The following FSTL5 variants were observed in gnomAD, a reference collection of about 807,000 sequenced individuals.
The protein encoded by FSTL5 is follistatin like 5, also known as follistatin-related protein 5.
A neutral mutation model predicts 89.1 loss-of-function variants in FSTL5; 62 were observed. The ratio of observed to expected loss-of-function variants is 0.70; its 90% CI spans 0.57 to 0.86. FSTL5 has a LOEUF of 0.86. FSTL5 is among the 40% of genes least tolerant of loss of function. The pLI is 0.00. For missense variants in FSTL5, 1,057 were observed against 1,001.6 expected, an observed-to-expected ratio of 1.06 and a Z score of -0.75; for synonymous variants, 383 against 346.2, an observed-to-expected ratio of 1.11 and a Z score of -1.18.
rs115747967 is a variant in FSTL5 at position 162,058,145 on chromosome 4, A to T, written c.127-24487T>A. Reference sequence around the variant, plus strand: ...ATACATGTACATGGTTATAAGGGTGAGTGTGGGTAATGAAATGCTTGAAGA... The same window carrying T: ...ATACATGTACATGGTTATAAGGGTGTGTGTGGGTAATGAAATGCTTGAAGA... On this transcript the variant is annotated intron_variant, in intron 2 of 15. Transcript: ENST00000306100. Among the ~76,000 whole-genome samples the T allele has an allele frequency of 6.4e-3, 971 of 152,178 alleles. 8 individuals are homozygous for T. Among genetic ancestry groups the T allele is most frequent in the African/African-American group, 0.022 (900 of 41,522 alleles).
At chr4:161,674,702 C>A (rs186149815) in intron 6 of FSTL5, among the ~76,000 whole-genome samples, 10 of 152,192 alleles carry the variant, frequency 6.6e-5, no homozygotes, top group Admixed American at 6.6e-4. Flanking sequence ...TACGTAGTGA[C>A]CATGCTAGGA....
At chr4:161,461,841 A>G (rs1733595157) in intron 13 of FSTL5, among the ~76,000 whole-genome samples, 1 of 152,168 alleles carries the variant, frequency 6.6e-6, no homozygotes, top group South Asian at 2.1e-4. Flanking sequence ...TGAATGTAAT[A>G]GCCTATTTTG....
chr4:162,156,950 A>C (rs1249616609), intron 1 of FSTL5, among the ~76,000 whole-genome samples: 1 of 152,166 alleles, frequency 6.6e-6, no homozygotes, highest in Non-Finnish European at 1.5e-5. Flanking sequence ...CCCTATATCT[A>C]CATTATAAAC....
chr4:162,046,290 T>C (rs1382594276), intron 2 of FSTL5, among the ~76,000 whole-genome samples: 1 of 152,130 alleles, frequency 6.6e-6, no homozygotes, highest in Non-Finnish European at 1.5e-5. Flanking sequence ...TATAGGGTGA[T>C]GTGGAAACAA....
At chr4:161,927,208 T>C (rs771093725) in intron 3 of FSTL5, among the ~76,000 whole-genome samples, 7 of 151,708 alleles carry the variant, frequency 4.6e-5, no homozygotes, top group Non-Finnish European at 1.0e-4. Context: ...TTTTATTTTA[T>C]ATAAATCTAT....
At chr4:161,761,904 C>G (rs1740823967) in intron 5 of FSTL5, among the ~76,000 whole-genome samples, 1 of 152,156 alleles carries the variant, frequency 6.6e-6, no homozygotes, top group East Asian at 1.9e-4. Flanking sequence ...AAATACCCCA[C>G]TTAAAACATG....
chr4:161,555,529 A>T (rs901621382), intron 8 of FSTL5, among the ~76,000 whole-genome samples: 35 of 151,510 alleles, frequency 2.3e-4, no homozygotes, highest in Non-Finnish European at 1.2e-4. Context: ...AGGAGTTCTC[A>T]AAGTGATTAT....
At chr4:162,106,212 C>T (rs1379621886) in intron 2 of FSTL5, among the ~76,000 whole-genome samples, 1 of 152,082 alleles carries the variant, frequency 6.6e-6, no homozygotes, top group Admixed American at 6.5e-5. Flanking sequence ...AGTAAGAGAA[C>T]CATAAGTCAA....
At chr4:161,514,011 C>T (rs1730736417) in intron 10 of FSTL5, among the ~76,000 whole-genome samples, 1 of 152,078 alleles carries the variant, frequency 6.6e-6, no homozygotes, top group Non-Finnish European at 1.5e-5. Flanking sequence ...TAATTTAATA[C>T]ATGATATTAG....
intron 1 of FSTL5, among the ~76,000 whole-genome samples, chr4:162,136,341 T>C (rs560403795): frequency 3.6e-4 from 55 of 152,070 alleles, no homozygotes; most frequent in Non-Finnish European, 6.5e-4. Context: ...AGGAGAGGAA[T>C]TGAAGATCAG....
chr4:161,663,199 T>A (rs1013468695), intron 6 of FSTL5, among the ~76,000 whole-genome samples: 9 of 152,100 alleles, frequency 5.9e-5, no homozygotes, highest in African/African-American at 2.2e-4. Context: ...CCAAATCTCA[T>A]GTCCTCGCAT....
At chr4:162,151,130 A>T (rs1733208184) in intron 1 of FSTL5, among the ~76,000 whole-genome samples, 1 of 152,132 alleles carries the variant, frequency 6.6e-6, no homozygotes, top group Non-Finnish European at 1.5e-5. Context: ...GCTCCAATGG[A>T]GGTATTCAAC....
intron 6 of FSTL5, among the ~76,000 whole-genome samples, chr4:161,659,840 T>C (rs1410428390): frequency 6.6e-6 from 1 of 152,180 alleles, no homozygotes; most frequent in Non-Finnish European, 1.5e-5. Context: ...TAATGACTTG[T>C]TTCATTTTAT....
At chr4:161,406,389 T>G (rs768827873) in intron 15 of FSTL5, among the ~76,000 whole-genome samples, 1 of 152,184 alleles carries the variant, frequency 6.6e-6, no homozygotes, top group Admixed American at 6.5e-5. Context: ...CTTTGCGTAA[T>G]TTCAATCTGT....
At chr4:161,819,607 T>G (rs1730430301) in intron 4 of FSTL5, among the ~76,000 whole-genome samples, 1 of 152,022 alleles carries the variant, frequency 6.6e-6, no homozygotes, top group Non-Finnish European at 1.5e-5. Flanking sequence ...TATAACTAAT[T>G]TTCAAGCTAT....
At chr4:162,135,872 G>A (rs188031425) in intron 1 of FSTL5, among the ~76,000 whole-genome samples, 91 of 152,116 alleles carry the variant, frequency 6.0e-4, no homozygotes, top group Admixed American at 2.2e-3. Context: ...TCGGAAGGAT[G>A]TTCAAAAATC....
intron 6 of FSTL5, among the ~76,000 whole-genome samples, chr4:161,667,680 C>T (rs1383470437): frequency 6.6e-6 from 1 of 152,002 alleles, no homozygotes; most frequent in African/African-American, 2.4e-5. Context: ...TTCCCAACTG[C>T]CCTGTGAAGT....
intron 3 of FSTL5, among the ~76,000 whole-genome samples, chr4:161,956,082 C>A (rs1735019653): frequency 6.6e-6 from 1 of 151,646 alleles, no homozygotes; most frequent in South Asian, 2.1e-4. Flanking sequence ...TACCAGTTAC[C>A]CAATTTGCTT....
intron 6 of FSTL5, among the ~76,000 whole-genome samples, chr4:161,737,581 C>T (rs1241811734): frequency 2.6e-5 from 4 of 151,928 alleles, no homozygotes; most frequent in African/African-American, 9.7e-5. Flanking sequence ...CAGTTGAGCA[C>T]AAGTATGAAG....
Sources: gnomAD v4.1 joint callset for allele counts (sites outside exome capture counted in the v4.1 genomes callset) on GRCh38, gnomAD v4.1.1 for gene constraint, MANE v1.5 for transcripts, NCBI Gene and HGNC (gene_info 2026-07-23, HGNC 2026-07-21) for gene names.